Variants in MAPK1IP1L observed in about 807,000 individuals in gnomAD.
The protein encoded by MAPK1IP1L is mitogen-activated protein kinase 1 interacting protein 1 like, also known as MAPK-interacting and spindle-stabilizing protein-like.
In MAPK1IP1L, 10 loss-of-function variants were observed where a neutral mutation model predicts 18.1. The ratio of observed to expected loss-of-function variants is 0.55; its 90% confidence interval spans 0.34 to 0.94. The LOEUF (loss-of-function observed/expected upper bound fraction) is 0.94, where lower values mean the gene tolerates loss of function less well. Ranked by LOEUF, MAPK1IP1L falls within the 40% of genes least tolerant of loss-of-function variation. The pLI, the probability that MAPK1IP1L is intolerant of heterozygous loss-of-function variation, is 0.02. For missense variants in MAPK1IP1L, 260 were observed against 318.2 expected, an observed-to-expected ratio of 0.82 and a Z score of 1.39; for synonymous variants, 115 against 117.3, an observed-to-expected ratio of 0.98 and a Z score of 0.13.
intron 2 of MAPK1IP1L, 83 bp from the exon 3 acceptor site, chr14:55,062,535 G>A (rs540043109): frequency 9.0e-7 from 1 of 1,112,822 alleles, no homozygotes; most frequent in East Asian, 2.6e-5. Context: ...TGCCCCTATA[G>A]GTTACTATTC....
chr14:55,052,013 C>G (rs1157467484), intron 1 of MAPK1IP1L, among the ~76,000 whole-genome samples: 1 of 152,088 alleles, frequency 6.6e-6, no homozygotes, highest in Non-Finnish European at 1.5e-5. Flanking sequence ...GCCTGGGGAT[C>G]GCCCCCCAGG....
intron 1 of MAPK1IP1L, among the ~76,000 whole-genome samples, chr14:55,053,504 TTTG>T (rs1255207870): frequency 6.6e-6 from 1 of 152,244 alleles, no homozygotes; most frequent in Non-Finnish European, 1.5e-5. Flanking sequence ...TTTTATTTGT[TTTG>T]TTTTTTAAAC....
chr14:55,059,763 A>G (rs1297246536), intron 1 of MAPK1IP1L, among the ~76,000 whole-genome samples: 1 of 152,082 alleles, frequency 6.6e-6, no homozygotes, highest in Non-Finnish European at 1.5e-5. Context: ...GGGGGTGAAA[A>G]TAAAATTTGT....
rs1304490598 is a variant in MAPK1IP1L, at chr14:55,063,117, C to A, written c.518C>A (p.Pro173Gln). 6.2e-7 allele frequency: 1 copy of A among 1,613,482 alleles called. No individual in the cohort carries two copies. Among genetic ancestry groups the A allele is most frequent in the Non-Finnish European group, 8.5e-7 (1 of 1,180,048 alleles). ...TPNMPYPSPG[P>Q]YPAPPPPQAP... ...AATATGCCATATCCATCTCCAGGCC[C>A]ATATCCCGCTCCTCCTCCTCCCCAA... The change falls in exon 3 of 4, where the codon CCA (proline) becomes CAA (glutamine). Residue 173 changes from proline (P) to glutamine (Q), a missense_variant. Physicochemically the swap from Pro to Gln is moderately conservative, Grantham distance 76. Coordinates refer to ENST00000395468, the MANE Select transcript of MAPK1IP1L (RefSeq NM_144578.4).
chr14:55,054,408 G>T (rs931692051), intron 1 of MAPK1IP1L, among the ~76,000 whole-genome samples: 3 of 151,922 alleles, frequency 2.0e-5, no homozygotes, highest in Non-Finnish European at 2.9e-5. Flanking sequence ...CTCCCAAAGT[G>T]CTGCGATTAC....
At chr14:55,062,068 T>A (rs1020111061) in intron 2 of MAPK1IP1L, among the ~76,000 whole-genome samples, 2 of 152,258 alleles carry the variant, frequency 1.3e-5, no homozygotes, top group African/African-American at 4.8e-5. Flanking sequence ...TATGAAAATA[T>A]GTATTTCTTT....
At chr14:55,057,176 C>T (rs1205620493) in intron 1 of MAPK1IP1L, among the ~76,000 whole-genome samples, 1 of 152,152 alleles carries the variant, frequency 6.6e-6, no homozygotes, top group Non-Finnish European at 1.5e-5. Context: ...GGAGCAAGAC[C>T]TCTGTGCCCA....
intron 2 of MAPK1IP1L, among the ~76,000 whole-genome samples, chr14:55,061,943 A>C (rs1020761980): frequency 2.6e-5 from 4 of 152,192 alleles, no homozygotes; most frequent in African/African-American, 9.7e-5. Flanking sequence ...GTCTATAAAT[A>C]AATAAAAGAG....
intron 1 of MAPK1IP1L, 150 bp from the exon 2 acceptor site, chr14:55,061,530 T>G (rs2042818214): frequency 1.7e-6 from 1 of 595,294 alleles, no homozygotes; most frequent in South Asian, 2.0e-5. Flanking sequence ...TGGAAAACTT[T>G]CCTATGTAAA....
In MAPK1IP1L at chr14:55,051,802, G is replaced by A; in HGVS notation, c.-6G>A. On this transcript the variant is annotated splice_region_variant and 5_prime_UTR_variant, in exon 1 of 4. Coordinates refer to ENST00000395468, the MANE Select transcript of MAPK1IP1L (RefSeq NM_144578.4). ...CCCTACTGCGGTCTCGGATATTGCC[G>A]GGTGAGGCTGCTTCGGTACTAGTGG... 1 of 495,494 alleles carries A rather than the reference G, an allele frequency of 2.0e-6. No individual in the cohort carries two copies. The highest frequency in any genetic ancestry group is 1.4e-5 in the South Asian group (1 of 70,310). 30.7% of individuals were successfully genotyped at this position (495,494 alleles called of 1,614,324 possible).
intron 1 of MAPK1IP1L, among the ~76,000 whole-genome samples, chr14:55,056,632 C>A (rs1366388577): frequency 6.6e-6 from 1 of 152,160 alleles, no homozygotes; most frequent in Non-Finnish European, 1.5e-5. Flanking sequence ...GCCTCAGCCT[C>A]CTGAGTAGCT....
intron 1 of MAPK1IP1L, among the ~76,000 whole-genome samples, chr14:55,059,388 T>G (rs2140259362): frequency 6.6e-6 from 1 of 152,026 alleles, no homozygotes; most frequent in South Asian, 2.1e-4. Flanking sequence ...TCCCAAGACT[T>G]TGGGAGGCCG....
chr14:55,063,127 T>C lies in MAPK1IP1L; in HGVS notation c.528T>C (p.Ala176=). 6.2e-7 allele frequency: 1 copy of C among 1,613,520 alleles called. No homozygotes were observed. The highest frequency in any genetic ancestry group is 8.5e-7 in the Non-Finnish European group (1 of 1,179,970). ...ATCCATCTCCAGGCCCATATCCCGCTCCTCCTCCTCCCCAAGCCCCTGGGG... is the reference window on the plus strand; with the variant it reads ...ATCCATCTCCAGGCCCATATCCCGCCCCTCCTCCTCCCCAAGCCCCTGGGG... The part of the protein sequence containing the change: ...MPYPSPGPYP[A]PPPPQAPGAA... The change falls in exon 3 of 4, where the codon GCT becomes GCC. Residue 176 remains alanine (A), a synonymous_variant. Transcript: ENST00000395468.
At chr14:55,053,352 C>T (rs558605035) in intron 1 of MAPK1IP1L, among the ~76,000 whole-genome samples, 11 of 152,252 alleles carry the variant, frequency 7.2e-5, no homozygotes, top group Non-Finnish European at 1.2e-4. Flanking sequence ...CATACTTTAA[C>T]GTTTACTTTT....
chr14:55,058,655 AC>A (rs2042789999), intron 1 of MAPK1IP1L, among the ~76,000 whole-genome samples: 1 of 151,996 alleles, frequency 6.6e-6, no homozygotes. Flanking sequence ...ACGTGGTGAA[AC>A]CCTGTCTCTA....
chr14:55,067,503 G>A lies in MAPK1IP1L; in HGVS notation c.*2876G>A, dbSNP rs1464651854. On this transcript the variant is annotated 3_prime_UTR_variant, in exon 4 of 4. Coordinates refer to ENST00000395468, the MANE Select transcript of MAPK1IP1L (RefSeq NM_144578.4). ...TGGCTCGCTGCAACCTCTGCCTCCA[G>A]GTTCAAACGATTCTTCTGCCTCAGC... 6.6e-6 allele frequency: 1 copy of A among 151,776 alleles called. No homozygotes were observed. Among genetic ancestry groups the A allele is most frequent in the Non-Finnish European group, 1.5e-5 (1 of 68,078 alleles). The allele number at this position is 151,776 out of a possible 1,614,324, so 9.4% of individuals were successfully genotyped here. A position where few individuals can be genotyped will look rare whatever the true frequency, so the allele number is the denominator to read the frequency against.
chr14:55,062,664 T>C lies in MAPK1IP1L; in HGVS notation c.65T>C (p.Val22Ala). The C allele has an allele frequency of 6.2e-7, 1 of 1,614,132 alleles. No homozygotes were observed. Among genetic ancestry groups the C allele is most frequent in the East Asian group, 2.2e-5 (1 of 44,878 alleles). The change falls in exon 3 of 4, where the codon GTG becomes GCG. Residue 22 changes from valine to alanine, a missense_variant. Physicochemically the swap from Val to Ala is moderately conservative, Grantham distance 64. Coordinates refer to ENST00000395468, the MANE Select transcript of MAPK1IP1L (RefSeq NM_144578.4). ...CACTCCCCTGCCAAAACCTCTGCTG[T>C]GAGCAATACAAAACCTGGCCAACCT... is the stretch of plus-strand genomic sequence containing the variant. Reference protein sequence around the residue: ...PEHSPAKTSAVSNTKPGQPPQ... With the variant: ...PEHSPAKTSAASNTKPGQPPQ...
intron 2 of MAPK1IP1L, 28 bp from the exon 3 acceptor site, chr14:55,062,590 G>A: frequency 6.4e-7 from 1 of 1,567,560 alleles, no homozygotes; most frequent in Non-Finnish European, 8.7e-7. Context: ...TCCCTAGATA[G>A]GAAAGACGTA....
chr14:55,052,937 C>G (rs1376274041), intron 1 of MAPK1IP1L, among the ~76,000 whole-genome samples: 3 of 152,150 alleles, frequency 2.0e-5, no homozygotes, highest in Non-Finnish European at 2.9e-5. Flanking sequence ...TTATCTTCAT[C>G]TTTTTAGAAA....
Sources: gnomAD v4.1 joint callset for allele counts (sites outside exome capture counted in the v4.1 genomes callset) on GRCh38, gnomAD v4.1.1 for gene constraint, MANE v1.5 for transcripts, NCBI Gene and HGNC (gene_info 2026-07-23, HGNC 2026-07-21) for gene names.